The following SPTBN5 variants were observed in gnomAD, a reference collection of about 807,000 sequenced individuals.
The protein encoded by SPTBN5 is spectrin beta, non-erythrocytic 5, also known as spectrin beta chain, non-erythrocytic 5.
A neutral mutation model predicts 477.6 loss-of-function variants in SPTBN5; 513 were observed. The ratio of observed to expected loss-of-function variants is 1.07; its 90% confidence interval spans 1.00 to 1.16. The LOEUF (loss-of-function observed/expected upper bound fraction) is 1.16. Ranked by LOEUF, SPTBN5 falls within the 50% of genes most tolerant of loss-of-function variation. SPTBN5 has a pLI of 0.00. For missense variants in SPTBN5, 5,062 were observed against 4,731.8 expected (o/e 1.07, Z -2.05); for synonymous variants, 2,169 against 2,011.7 (o/e 1.08, Z -2.09).
rs1567227517 is a variant in SPTBN5 at position 41,883,113 on chromosome 15, A to C, written c.1775T>G (p.Leu592Arg). ...VSAHGAHVSH[L>R]AQQTAELDSS... The stretch of plus-strand genomic sequence containing the variant: ...GTCCAGCTCTGCTGTCTGCTGAGCA[A>C]GATGGCTCACATGGGCTCCGTGGGC... Residue 592 changes from leucine (L) to arginine (R), a missense_variant, in exon 9 of 68, where the codon CTT (leucine) becomes CGT (arginine). Physicochemically the swap from Leu to Arg is moderately radical, Grantham distance 102. Transcript: ENST00000320955. 1.2e-6 allele frequency: 2 copies of C among 1,611,714 alleles called. No individual in the cohort carries two copies. Among genetic ancestry groups the C allele is most frequent in the Non-Finnish European group, 1.7e-6 (2 of 1,179,316 alleles).
intron 39 of SPTBN5, among the ~76,000 whole-genome samples, chr15:41,865,598 C>T (rs1056586626): frequency 6.6e-6 from 1 of 152,226 alleles, no homozygotes; most frequent in Non-Finnish European, 1.5e-5. Flanking sequence ...TGCCACCACA[C>T]ACGTGCTCTC....
rs1332098357 is a variant in SPTBN5 at position 41,886,270 on chromosome 15, G to T, written c.985C>A (p.Leu329Met). The change falls in exon 7 of 68, where the codon CTG becomes ATG. Residue 329 changes from leucine to methionine, a missense_variant. Physicochemically the swap from Leu to Met is conservative, Grantham distance 15. Transcript: ENST00000320955. The stretch of plus-strand genomic sequence containing the variant: ...GAGTCTGGAAAATCCCGCGCCTCCA[G>T]CTGCATCTGCTTCTCTGCAATCCAG... ...LRWIAEKQMQLEARDFPDSLP... is the reference protein window; with the variant it reads ...LRWIAEKQMQMEARDFPDSLP... 6.2e-7 allele frequency: 1 copy of T among 1,613,314 alleles called. No homozygotes were observed. Among genetic ancestry groups the T allele is most frequent in the South Asian group, 1.1e-5 (1 of 91,088 alleles).
rs746021058 is a variant in SPTBN5, at chr15:41,873,484, C to T, written c.5007+8G>A. 11 of 1,545,872 alleles carry T rather than the reference C, an allele frequency of 7.1e-6. No individual in the cohort carries two copies. The highest frequency in any genetic ancestry group is 2.4e-5 in the East Asian group (1 of 40,888). On this transcript the variant is annotated splice_region_variant and intron_variant, in intron 26 of 67. Transcript: ENST00000320955. Reference sequence around the variant, plus strand: ...ACCACACTGCAGGGGAGGCTCAGGACGTGGTACCTGGTGCTTGTTAATGAG... The same window carrying T: ...ACCACACTGCAGGGGAGGCTCAGGATGTGGTACCTGGTGCTTGTTAATGAG...
intron 27 of SPTBN5, among the ~76,000 whole-genome samples, 179 bp from the exon 28 acceptor site, chr15:41,872,096 G>A (rs969169128): frequency 6.6e-6 from 1 of 152,244 alleles, no homozygotes; most frequent in Admixed American, 6.5e-5. Flanking sequence ...AGAGGAGGGT[G>A]TGGACGTGGG....
rs1432990378 is a variant in SPTBN5 at position 41,876,608 on chromosome 15, G to A, written c.3891C>T (p.Thr1297=). The A allele has an allele frequency of 1.9e-6, 3 of 1,606,476 alleles. No homozygotes were observed. The highest frequency in any genetic ancestry group is 1.1e-5 in the South Asian group (1 of 89,554). ...TCTGCTCACTCCTCCCCTGGAGCCT[G>A]GTCCACTGTGCCTGGATACTCTGCA... ...EQLQSIQAQW[T]RLQGRSEQRR... is the part of the protein sequence containing the mutation. Residue 1297 remains threonine, a synonymous_variant, in exon 20 of 68, where the codon ACC becomes ACT. Coordinates refer to ENST00000320955, the MANE Select transcript of SPTBN5 (RefSeq NM_016642.4).
Position 41,853,762 on chromosome 15 carries a change from T to A in SPTBN5, c.9800A>T (p.Glu3267Val), listed in dbSNP as rs369295204. 3 of 1,574,656 alleles carry A rather than the reference T, an allele frequency of 1.9e-6. No homozygotes were observed. Among genetic ancestry groups the A allele is most frequent in the South Asian group, 1.2e-5 (1 of 86,274 alleles). ...GGCCTCCGTCTGTAGCCGTGCCACC[T>A]CCTTCTCCATAGCTTCCAGCTCTCT... ...LERELEAMEKEVARLQTEACR... is the reference protein window; with the variant it reads ...LERELEAMEKVVARLQTEACR... The change falls in exon 58 of 68, where the codon GAG (glutamate) becomes GTG (valine). Residue 3267 changes from glutamate to valine, a missense_variant. Physicochemically the swap from Glu to Val is moderately radical, Grantham distance 121. Coordinates refer to ENST00000320955, the MANE Select transcript of SPTBN5 (RefSeq NM_016642.4).
chr15:41,879,140 A>C (rs1385441340), intron 16 of SPTBN5, 120 bp downstream of exon 16: 16 of 1,232,508 alleles, frequency 1.3e-5, no homozygotes, highest in Non-Finnish European at 1.8e-5. Context: ...CATCTTTGCC[A>C]CAGCCCTCCT....
intron 3 of SPTBN5, 39 bp from the exon 4 acceptor site, chr15:41,890,244 T>G (rs12905012): frequency 2.8e-6 from 4 of 1,451,586 alleles, no homozygotes; most frequent in Middle Eastern, 1.7e-4. Context: ...ATGAAGCCCA[T>G]GTCCAGAGAG....
rs2066473059 is a variant in SPTBN5, at chr15:41,869,897, C to A, written c.5797G>T (p.Glu1933Ter). The A allele has an allele frequency of 1.3e-6, 2 of 1,553,496 alleles. No homozygotes were observed. The highest frequency in any genetic ancestry group is 2.4e-5 in the East Asian group (1 of 42,112). ...QAWAVLQRRMEQRRAQLERAR... is the reference protein window; with the variant it reads ...QAWAVLQRRM The stretch of plus-strand genomic sequence containing the variant: ...CGCTCCAGCTGGGCCCTGCGCTGCT[C>A]CATGCGTCGCTGCAGCACTGCCCAC... Residue 1933 changes from glutamate to a stop codon, truncating the protein, a stop_gained, in exon 32 of 68, where the codon GAG becomes TAG. Coordinates refer to ENST00000320955, the MANE Select transcript of SPTBN5 (RefSeq NM_016642.4). LOFTEE classifies it high-confidence loss of function.
chr15:41,891,574 A>G (rs1157969767), intron 3 of SPTBN5, among the ~76,000 whole-genome samples: 1 of 152,194 alleles, frequency 6.6e-6, no homozygotes, highest in Non-Finnish European at 1.5e-5. Flanking sequence ...CCATAGGATC[A>G]GCGAATACAG....
intron 3 of SPTBN5, among the ~76,000 whole-genome samples, chr15:41,892,541 A>G (rs960071657): frequency 4.6e-5 from 7 of 152,188 alleles, no homozygotes; most frequent in African/African-American, 1.7e-4. Flanking sequence ...TTGCCTGGTA[A>G]ATAATTCAGG....
chr15:41,874,810 GAC>G, intron 23 of SPTBN5, 30 bp downstream of exon 23: 1 of 1,579,530 alleles, frequency 6.3e-7, no homozygotes, highest in Non-Finnish European at 8.6e-7. Context: ...ATGGAGGAGT[GAC>G]ACACAGGTGG....
At chr15:41,861,299 G>C in intron 46 of SPTBN5, 120 bp downstream of exon 46, 1 of 833,468 alleles carries the variant, frequency 1.2e-6, no homozygotes, top group Non-Finnish European at 2.0e-6. Flanking sequence ...GCCCAGGGTG[G>C]GGAGATGGCC....
chr15:41,854,692 T>A, intron 56 of SPTBN5, 90 bp downstream of exon 56: 1 of 1,183,510 alleles, frequency 8.4e-7, no homozygotes. Context: ...GTGTGTCTTG[T>A]TGGAACCAAA....
chr15:41,874,205 AGGCC>A, intron 24 of SPTBN5, 83 bp downstream of exon 24: 1 of 1,524,916 alleles, frequency 6.6e-7, no homozygotes, highest in Non-Finnish European at 8.9e-7. Context: ...GAGGGCTTAG[AGGCC>A]AGGACACCTG....
Position 41,875,494 on chromosome 15 carries a change from C to T in SPTBN5, c.4251G>A (p.Gln1417=). 1 of 1,612,674 alleles carries T rather than the reference C, an allele frequency of 6.2e-7. No homozygotes were observed. The highest frequency in any genetic ancestry group is 1.3e-5 in the African/African-American group (1 of 75,036). Residue 1417 remains glutamine (Q), a synonymous_variant, in exon 22 of 68, where the codon CAG becomes CAA. Transcript: ENST00000320955. ...TCAGGAGTTGCTCCTGCTGTCCAGC[C>T]TGCTGGAGCTCGTCCCCACGCTCAG... ...KMTERGDELQ[Q]AGQQEQLLRQ...
At chr15:41,865,148 C>T (rs2066255770) in intron 39 of SPTBN5, among the ~76,000 whole-genome samples, 1 of 152,190 alleles carries the variant, frequency 6.6e-6, no homozygotes, top group Non-Finnish European at 1.5e-5. Flanking sequence ...TGGTCTTTAA[C>T]ACCTGATTGT....
At chr15:41,853,089 G>A in intron 59 of SPTBN5, 89 bp from the exon 60 acceptor site, 2 of 1,440,202 alleles carry the variant, frequency 1.4e-6, no homozygotes, top group Admixed American at 2.7e-5. Flanking sequence ...GTTAATGGAA[G>A]TGCAGAGGGA....
chr15:41,883,449 G>T lies in SPTBN5; in HGVS notation c.1558C>A (p.Gln520Lys), dbSNP rs1452079757. ...EVTVRWQRLL[Q>K]HLQGQRKQVA... ...TGCTTCCTCTGTCCCTGTAGATGCT[G>T]AAGGAGCCTCTGCCAGCGCACGGTA... The change falls in exon 8 of 68, where the codon CAG becomes AAG. Residue 520 changes from glutamine to lysine, a missense_variant. By Grantham distance (53) the Gln-to-Lys change is moderately conservative (BLOSUM62 1). Coordinates refer to ENST00000320955, the MANE Select transcript of SPTBN5 (RefSeq NM_016642.4). 1.9e-6 allele frequency: 3 copies of T among 1,613,964 alleles called. No individual in the cohort carries two copies. In the South Asian group the frequency reaches 3.3e-5, roughly 18 times the overall value.
Sources: gnomAD v4.1 joint callset for allele counts (sites outside exome capture counted in the v4.1 genomes callset) on GRCh38, gnomAD v4.1.1 for gene constraint, MANE v1.5 for transcripts, NCBI Gene and HGNC (gene_info 2026-07-23, HGNC 2026-07-21) for gene names.